MYO9B: variants seen among roughly 807,000 people sequenced by gnomAD.
MYO9B encodes the protein myosin IXB, also known as unconventional myosin-IXb.
In MYO9B, 71 loss-of-function variants were observed where a neutral mutation model predicts 229.5. The ratio of observed to expected loss-of-function variants is 0.31; its 90% CI spans 0.26 to 0.38. The LOEUF (loss-of-function observed/expected upper bound fraction) is 0.38, where lower values mean the gene tolerates loss of function less well. Among genes scored for constraint, MYO9B ranks in the 10% least tolerant of loss-of-function variants. The pLI is 1.00. For synonymous variants in MYO9B, 1,185 were observed against 1,235.8 expected, an observed-to-expected ratio of 0.96 and a Z score of 0.86; for missense variants, 2,255 against 2,920.5, an observed-to-expected ratio of 0.77 and a Z score of 5.25.
chr19:17,129,576 C>T (rs1183931235), intron 2 of MYO9B, among the ~76,000 whole-genome samples: 1 of 152,186 alleles, frequency 6.6e-6, no homozygotes, highest in African/African-American at 2.4e-5. Flanking sequence ...AGGGGAGCCA[C>T]GGACGCGTCA....
In MYO9B at chr19:17,172,600, C is replaced by G; in HGVS notation, c.1935+123C>G. 3 of 1,465,590 alleles carry G rather than the reference C, an allele frequency of 2.0e-6. No homozygotes were observed. Among genetic ancestry groups the G allele is most frequent in the Non-Finnish European group, 2.8e-6 (3 of 1,080,286 alleles). 90.8% of individuals were successfully genotyped at this position (1,465,590 alleles called of 1,614,324 possible). ...GGTGCTCAGAACCCACCGCGAATCCCCGGCTCCAATGTCCAAGGCGCCATA... is the reference window on the plus strand; with the variant it reads ...GGTGCTCAGAACCCACCGCGAATCCGCGGCTCCAATGTCCAAGGCGCCATA... On this transcript the variant is annotated intron_variant, in intron 12 of 39. Transcript: ENST00000682292. This position sits in a 1 kb window ranked among gnomAD's most constrained non-coding sequence, Gnocchi z 8.2.
rs2145358970 is a variant in MYO9B, at chr19:17,172,023, T to C, written c.1794-313T>C. Among the ~76,000 whole-genome samples the C allele has an allele frequency of 6.6e-6, 1 of 152,302 alleles. No individual in the cohort carries two copies. Among genetic ancestry groups the C allele is most frequent in the African/African-American group, 2.4e-5 (1 of 41,566 alleles). ...GCCTCCTTGTACCAGGCTGCAGCTA[T>C]GCCAGCTGACGCAGAGAGCAGAGTC... On this transcript the variant is annotated intron_variant, in intron 11 of 39. Transcript: ENST00000682292. This position sits in a 1 kb window ranked among gnomAD's most constrained non-coding sequence, Gnocchi z 8.2.
intron 1 of MYO9B, among the ~76,000 whole-genome samples, chr19:17,093,307 G>T (rs1483765675): frequency 6.6e-6 from 1 of 151,950 alleles, no homozygotes; most frequent in Non-Finnish European, 1.5e-5. Flanking sequence ...CTCCAGCCTG[G>T]GCAACAAGAG....
At chr19:17,154,441 G>C (rs371940444) in intron 6 of MYO9B, 26 bp downstream of exon 6, 32 of 1,579,632 alleles carry the variant, frequency 2.0e-5, no homozygotes, top group Non-Finnish European at 2.8e-5. Context: ...CCCGGGGCCT[G>C]TCCCCCAGAG....
intron 35 of MYO9B, among the ~76,000 whole-genome samples, chr19:17,208,315 G>A (rs191567989): frequency 0.035 from 4,707 of 133,984 alleles, 103 homozygotes; most frequent in Non-Finnish European, 0.053. Context: ...CTCCAGCCTG[G>A]GCGACAGAGC....
At chr19:17,108,928 G>T (rs913177442) in intron 2 of MYO9B, among the ~76,000 whole-genome samples, 8 of 151,960 alleles carry the variant, frequency 5.3e-5, no homozygotes, top group South Asian at 2.1e-4. Context: ...GGCCAGGCTG[G>T]TCTCAAACTC....
rs1158015300 is a variant in MYO9B, at chr19:17,102,285, A to G, written c.568A>G (p.Lys190Glu). 6 of 1,613,868 alleles carry G rather than the reference A, an allele frequency of 3.7e-6. No individual in the cohort carries two copies. The highest frequency in any genetic ancestry group is 4.2e-6 in the Non-Finnish European group (5 of 1,179,888). Residue 190 changes from lysine to glutamate, a missense_variant, in exon 2 of 40, where the codon AAG (lysine) becomes GAG (glutamate). Lys to Glu is a moderately conservative substitution (Grantham distance 56). Transcript: ENST00000682292. ...CATCCTGGTGGCCATCAACCCCTTTAAGTTCCTGCCCATCTACAACCCCAA... is the reference window on the plus strand; with the variant it reads ...CATCCTGGTGGCCATCAACCCCTTTGAGTTCCTGCCCATCTACAACCCCAA... Reference protein sequence around the residue: ...GSILVAINPFKFLPIYNPKYV... With the variant: ...GSILVAINPFEFLPIYNPKYV...
At chr19:17,109,752 G>A (rs547755522) in intron 2 of MYO9B, among the ~76,000 whole-genome samples, 3 of 152,266 alleles carry the variant, frequency 2.0e-5, no homozygotes, top group African/African-American at 4.8e-5. Flanking sequence ...CTCTCCCTCC[G>A]TCGTCACCTG....
intron 34 of MYO9B, 156 bp from the exon 35 acceptor site, chr19:17,206,957 G>C (rs2145511723): frequency 7.7e-7 from 1 of 1,297,376 alleles, no homozygotes; most frequent in Non-Finnish European, 1.1e-6. Flanking sequence ...CGGGTCCCTT[G>C]AGGTACCTCT....
In MYO9B at chr19:17,202,900, T is replaced by A. The variant is rs572767716; in HGVS notation, c.4878+17T>A. The A allele has an allele frequency of 1.3e-6, 2 of 1,597,382 alleles. No individual in the cohort carries two copies. The highest frequency in any genetic ancestry group is 3.5e-5 in the Admixed American group (2 of 57,520). ...GAGCGTGCTGTGAGTAGGCTGCACA[T>A]AGATGAGAGTCCGAGCAGGCGAACA... On this transcript the variant is annotated intron_variant, in intron 29 of 39. Coordinates refer to ENST00000682292, the MANE Select transcript of MYO9B (RefSeq NM_004145.4).
chr19:17,120,871 C>T (rs1251769239), intron 2 of MYO9B, among the ~76,000 whole-genome samples: 7 of 152,114 alleles, frequency 4.6e-5, no homozygotes, highest in African/African-American at 1.7e-4. Flanking sequence ...GCAGATAACT[C>T]AGAAGACTGA....
intron 2 of MYO9B, among the ~76,000 whole-genome samples, chr19:17,120,718 C>G (rs2057955325): frequency 6.6e-6 from 1 of 151,198 alleles, no homozygotes; most frequent in Admixed American, 6.6e-5. Context: ...GGTAACAGTC[C>G]TCATGGTGAG....
At position 17,098,010 on chromosome 19, in the gene MYO9B, T is replaced by C. The variant is rs181775582; in HGVS notation, c.-58-3650T>C. ...ATTGTACCATCCTTTATTCTTCTAC[T>C]CACCTCGTGAACGAACTCCTCTTCA... is the stretch of plus-strand genomic sequence containing the variant. On this transcript the variant is annotated intron_variant, in intron 1 of 39. Coordinates refer to ENST00000682292, the MANE Select transcript of MYO9B (RefSeq NM_004145.4). Among the ~76,000 whole-genome samples the C allele has an allele frequency of 5.6e-4, 85 of 150,930 alleles. 1 individual carries two copies. Among genetic ancestry groups the C allele is most frequent in the Admixed American group, 3.8e-3 (58 of 15,112 alleles).
At chr19:17,146,306 G>A (rs2145240106) in intron 3 of MYO9B, among the ~76,000 whole-genome samples, 1 of 151,172 alleles carries the variant, frequency 6.6e-6, no homozygotes, top group Non-Finnish European at 1.5e-5. Context: ...TCCATCACAG[G>A]TGGATGGGTA....
Position 17,112,846 on chromosome 19 carries a change from CTTGGCTG to C in MYO9B, c.840+10295_840+10301del, listed in dbSNP as rs2057861825. On this transcript the variant is annotated intron_variant, in intron 2 of 39. Transcript: ENST00000682292. ...CTCCCAGCCAGGCACTCACCCAGCCCTTGGCTGTTGGCCATACAGGGAGGTGAGTTTG... is the reference window on the plus strand; with the variant it reads ...CTCCCAGCCAGGCACTCACCCAGCCCTTGGCCATACAGGGAGGTGAGTTTG... Among the ~76,000 whole-genome samples, 3 of 152,242 alleles carry C rather than the reference CTTGGCTG, an allele frequency of 2.0e-5. No individual in the cohort carries two copies. In the East Asian group the frequency reaches 5.8e-4, roughly 29 times the overall value.
At chr19:17,177,450 A>G (rs1390195551) in intron 14 of MYO9B, 1 of 151,650 alleles carries the variant, frequency 6.6e-6, no homozygotes, top group East Asian at 1.9e-4. Flanking sequence ...GGCTCAAGCA[A>G]TCCCCCCACC....
intron 2 of MYO9B, among the ~76,000 whole-genome samples, chr19:17,116,360 G>A (rs892579817): frequency 2.0e-5 from 3 of 152,164 alleles, no homozygotes; most frequent in African/African-American, 7.2e-5. Context: ...GCATGCCCAA[G>A]GCCGCAAACC....
chr19:17,129,198 G>A (rs965769233), intron 2 of MYO9B, among the ~76,000 whole-genome samples: 85 of 152,178 alleles, frequency 5.6e-4, no homozygotes, highest in African/African-American at 1.9e-3. Context: ...TCAGGAGTTC[G>A]AGACCAGCCT....
chr19:17,201,876 G>T, intron 26 of MYO9B, 50 bp from the exon 27 acceptor site: 1 of 1,426,670 alleles, frequency 7.0e-7, no homozygotes, highest in Admixed American at 1.8e-5. Flanking sequence ...CCTCGGGTAC[G>T]CAGGTCCCCA....
Sources: gnomAD v4.1 joint callset for allele counts (sites outside exome capture counted in the v4.1 genomes callset) on GRCh38, gnomAD v4.1.1 for gene constraint, Gnocchi (gnomAD v3.1) non-coding constraint, MANE v1.5 for transcripts, NCBI Gene and HGNC (gene_info 2026-07-23, HGNC 2026-07-21) for gene names.